Variants in NEK10 observed in about 807,000 individuals in gnomAD.
The protein encoded by NEK10 is NIMA related kinase 10.
A neutral mutation model predicts 159.8 loss-of-function variants in NEK10; 122 were observed. That is an observed-to-expected ratio of 0.76 (90% CI 0.66 to 0.89). The LOEUF (loss-of-function observed/expected upper bound fraction) is 0.89. NEK10 is among the 40% of genes least tolerant of loss of function. NEK10 has a pLI of 0.00. For synonymous variants in NEK10, 466 were observed against 457.1 expected (o/e 1.02, Z -0.25); for missense variants, 1,342 against 1,323.1 (o/e 1.01, Z -0.22).
In NEK10 at chr3:27,301,679, TAATAAAACATAAATACCTGCTTG is replaced by T; in HGVS notation, c.1162_1168+16del. ...ACACAATAAATTATAGCATATCAAA[TAATAAAACATAAATACCTGCTTG>T]AAGTGAGAAAGTATTTTCTTGTATT... On this transcript the variant is annotated splice_donor_variant and splice_donor_5th_base_variant and coding_sequence_variant and intron_variant, in exon 13 of 36. Transcript: ENST00000691995. LOFTEE classifies it high-confidence loss of function. The T allele has an allele frequency of 6.7e-7, 1 of 1,494,964 alleles. No homozygotes were observed. The highest frequency in any genetic ancestry group is 9.2e-7 in the Non-Finnish European group (1 of 1,088,888). The allele number at this position is 1,494,964 out of a possible 1,614,324, so 92.6% of individuals were successfully genotyped here. A position where few individuals can be genotyped will look rare whatever the true frequency, so the allele number is the denominator to read the frequency against.
chr3:27,190,938 T>C (rs1949056015), intron 26 of NEK10, among the ~76,000 whole-genome samples: 1 of 152,196 alleles, frequency 6.6e-6, no homozygotes, highest in Admixed American at 6.6e-5. Flanking sequence ...CATAAACATA[T>C]AACTTAAATA....
chr3:27,241,568 A>C (rs986931703), intron 23 of NEK10, among the ~76,000 whole-genome samples: 2 of 152,214 alleles, frequency 1.3e-5, no homozygotes, highest in African/African-American at 4.8e-5. Flanking sequence ...GTACCTCAAC[A>C]GATTTGAGTT....
At chr3:27,193,204 C>T (rs1223395822) in intron 25 of NEK10, among the ~76,000 whole-genome samples, 13 of 152,162 alleles carry the variant, frequency 8.5e-5, no homozygotes, top group Non-Finnish European at 1.5e-5. Context: ...CTTCTACTTT[C>T]TAAATATTTC....
chr3:27,126,700 C>G (rs1941992525), intron 32 of NEK10, among the ~76,000 whole-genome samples: 2 of 151,974 alleles, frequency 1.3e-5, no homozygotes, highest in Admixed American at 6.6e-5. Flanking sequence ...TGTGAGAAAC[C>G]CTGATCCTAC....
intron 3 of NEK10, among the ~76,000 whole-genome samples, chr3:27,349,776 T>C (rs954653772): frequency 6.6e-6 from 1 of 152,184 alleles, no homozygotes; most frequent in African/African-American, 2.4e-5. Flanking sequence ...TTTGCCTCAG[T>C]AATCCTGGGG....
At chr3:27,350,124 T>G (rs1031650405) in intron 3 of NEK10, among the ~76,000 whole-genome samples, 1 of 152,198 alleles carries the variant, frequency 6.6e-6, no homozygotes, top group Non-Finnish European at 1.5e-5. Flanking sequence ...AGGCCACAAC[T>G]TGTTAGCGCA....
chr3:27,314,959 GATGA>G (rs2045038246), intron 6 of NEK10, among the ~76,000 whole-genome samples: 1 of 152,158 alleles, frequency 6.6e-6, no homozygotes, highest in African/African-American at 2.4e-5. Flanking sequence ...AAAATTATTA[GATGA>G]ATGATCTTAT....
intron 1 of NEK10, chr3:27,368,933 C>T (rs1233392451): frequency 6.6e-6 from 1 of 152,264 alleles, no homozygotes; most frequent in Non-Finnish European, 1.5e-5. Context: ...CACATTCAGG[C>T]TCCATTTAAC....
intron 23 of NEK10, among the ~76,000 whole-genome samples, chr3:27,254,633 A>AAT (rs377499029): frequency 1.3e-5 from 2 of 151,948 alleles, no homozygotes; most frequent in Non-Finnish European, 2.9e-5. Context: ...TAACTCGGAG[A>AAT]GATGAGAGAA....
At chr3:27,287,096 G>A (rs984881190) in intron 20 of NEK10, among the ~76,000 whole-genome samples, 1 of 144,868 alleles carries the variant, frequency 6.9e-6, no homozygotes, top group South Asian at 2.1e-4. Flanking sequence ...TATCATTAAA[G>A]CTTAGCAATA....
chr3:27,267,962 C>T lies in NEK10; in HGVS notation c.2015-11591G>A, dbSNP rs915987548. Among the ~76,000 whole-genome samples the T allele has an allele frequency of 7.9e-5, 12 of 152,294 alleles. No individual in the cohort carries two copies. The South Asian group carries it at 2.5e-3, about 32-fold the overall frequency. ...AGTGCTACTCAGTGGAGTGGCACTTCTGAACACACAAATGATAAGAAAGTA... is the reference window on the plus strand; with the variant it reads ...AGTGCTACTCAGTGGAGTGGCACTTTTGAACACACAAATGATAAGAAAGTA... On this transcript the variant is annotated intron_variant, in intron 22 of 35. Transcript: ENST00000691995.
intron 1 of NEK10, among the ~76,000 whole-genome samples, chr3:27,364,177 A>C (rs1219630688): frequency 2.0e-5 from 3 of 151,308 alleles, no homozygotes; most frequent in African/African-American, 7.3e-5. Flanking sequence ...TATTTACTTT[A>C]TTTATTTATT....
intron 30 of NEK10, among the ~76,000 whole-genome samples, chr3:27,160,884 C>T (rs1008951312): frequency 2.0e-5 from 3 of 152,034 alleles, no homozygotes; most frequent in African/African-American, 7.2e-5. Context: ...CAAGCCTTGG[C>T]AACACAGGGA....
At chr3:27,302,658 AT>A (rs1210319352) in intron 12 of NEK10, among the ~76,000 whole-genome samples, 1 of 151,666 alleles carries the variant, frequency 6.6e-6, no homozygotes, top group African/African-American at 2.4e-5. Context: ...CATAGTTACC[AT>A]TTTTTTCCAT....
At chr3:27,238,990 G>C (rs1330423118) in intron 23 of NEK10, among the ~76,000 whole-genome samples, 1 of 152,008 alleles carries the variant, frequency 6.6e-6, no homozygotes, top group African/African-American at 2.4e-5. Context: ...TTGGTTGCAA[G>C]AGTCAACCAA....
rs1400206609 is a variant in NEK10 at position 27,304,967 on chromosome 3, T to C, written c.808A>G (p.Thr270Ala). The change falls in exon 12 of 36, where the codon ACA becomes GCA. Residue 270 changes from threonine (T) to alanine (A), a missense_variant. Thr to Ala is a moderately conservative substitution (Grantham distance 58). Coordinates refer to ENST00000691995, the MANE Select transcript of NEK10 (RefSeq NM_001394966.1). ...CAAAGTAGGCGCAGCAACTCCGCTG[T>C]TAGTCTGAAAGGGGTACAGAGGGTG... ...HEYDLLSKRL[T>A]AELLRLLCAE... 4.4e-6 allele frequency: 7 copies of C among 1,607,560 alleles called. No homozygotes were observed. The highest frequency in any genetic ancestry group is 1.7e-5 in the Admixed American group (1 of 59,842).
chr3:27,120,079 G>C (rs1941070086), intron 32 of NEK10, among the ~76,000 whole-genome samples: 1 of 152,070 alleles, frequency 6.6e-6, no homozygotes, highest in Non-Finnish European at 1.5e-5. Context: ...AAAGCAAGTT[G>C]GACAATTCTC....
Position 27,312,190 on chromosome 3 carries a change from C to CCAAA in NEK10, c.490-17_490-14dup. 1 of 1,563,308 alleles carries CCAAA rather than the reference C, an allele frequency of 6.4e-7. No homozygotes were observed. The highest frequency in any genetic ancestry group is 8.7e-7 in the Non-Finnish European group (1 of 1,147,042). On this transcript the variant is annotated splice_polypyrimidine_tract_variant and intron_variant, in intron 7 of 35. Transcript: ENST00000691995. ...CAATCTCCATATACTGCATGAAGGA[C>CCAAA]CAAACCAACAAGCCAGTCAGGACAC... is the stretch of plus-strand genomic sequence containing the variant.
chr3:27,118,098 T>C (rs1174464830), intron 33 of NEK10, among the ~76,000 whole-genome samples: 2 of 152,210 alleles, frequency 1.3e-5, no homozygotes, highest in South Asian at 2.1e-4. Context: ...TGCTTGTTTT[T>C]GTCAGGTTTG....
Sources: allele counts gnomAD v4.1 joint callset (sites outside exome capture counted in the v4.1 genomes callset), GRCh38; gene constraint gnomAD v4.1.1; transcripts MANE v1.5; gene names NCBI Gene and HGNC (gene_info 2026-07-23, HGNC 2026-07-21).